Variants in HSF2BP observed in about 807,000 individuals in gnomAD.
The protein encoded by HSF2BP is heat shock transcription factor 2 binding protein, also known as heat shock factor 2-binding protein.
A neutral mutation model predicts 35.0 loss-of-function variants in HSF2BP; 35 were observed. The ratio of observed to expected loss-of-function variants is 1.00; its 90% CI spans 0.76 to 1.32. The LOEUF (loss-of-function observed/expected upper bound fraction) is 1.32, where lower values mean the gene tolerates loss of function less well. Ranked by LOEUF, HSF2BP falls within the 40% of genes most tolerant of loss-of-function variation. The pLI is 0.00. For synonymous variants in HSF2BP, 114 were observed against 117.4 expected, an observed-to-expected ratio of 0.97 and a Z score of 0.18; for missense variants, 326 against 321.7, an observed-to-expected ratio of 1.01 and a Z score of -0.10.
At chr21:43,645,314 C>T (rs1272572506) in intron 3 of HSF2BP, among the ~76,000 whole-genome samples, 2 of 152,116 alleles carry the variant, frequency 1.3e-5, no homozygotes, top group East Asian at 1.9e-4. Context: ...CAATTTGGAA[C>T]GTCTGGGGTG....
intron 3 of HSF2BP, among the ~76,000 whole-genome samples, chr21:43,650,625 G>A (rs1363985915): frequency 1.3e-5 from 2 of 151,842 alleles, no homozygotes; most frequent in African/African-American, 4.8e-5. Flanking sequence ...GAAAACAGAG[G>A]GTGATATCTT....
chr21:43,628,858 T>C (rs960405357), intron 6 of HSF2BP, among the ~76,000 whole-genome samples: 1 of 152,298 alleles, frequency 6.6e-6, no homozygotes, highest in Admixed American at 6.5e-5. Context: ...CCCTTAAGAA[T>C]TATGCTAAAT....
At chr21:43,595,705 T>C (rs561868245) in intron 7 of HSF2BP, among the ~76,000 whole-genome samples, 5 of 133,862 alleles carry the variant, frequency 3.7e-5, no homozygotes, top group African/African-American at 1.3e-4. Flanking sequence ...AGGGAAAGCA[T>C]CTTTAAAAAT....
chr21:43,644,757 A>T (rs952555606), intron 3 of HSF2BP, among the ~76,000 whole-genome samples: 2 of 152,224 alleles, frequency 1.3e-5, no homozygotes, highest in African/African-American at 4.8e-5. Context: ...TACTCCATGA[A>T]AAGCAGAAGG....
chr21:43,644,534 T>C lies in HSF2BP; in HGVS notation c.188-142A>G, dbSNP rs552481937. On this transcript the variant is annotated intron_variant, in intron 3 of 8. Transcript: ENST00000291560. ...TTTGCATTTCTTGACTTCTAGCCTG[T>C]CCTTGAATAACCAATATTCTAACAG... 4 of 630,904 alleles carry C rather than the reference T, an allele frequency of 6.3e-6. No homozygotes were observed. In the South Asian group the frequency reaches 7.7e-5, roughly 12 times the overall value. The allele number at this position is 630,904 out of a possible 1,614,324, so 39.1% of individuals were successfully genotyped here. A position where few individuals can be genotyped will look rare whatever the true frequency, so the allele number is the denominator to read the frequency against.
intron 3 of HSF2BP, among the ~76,000 whole-genome samples, chr21:43,653,227 G>C (rs1411733302): frequency 3.1e-5 from 4 of 130,506 alleles, no homozygotes; most frequent in African/African-American, 1.1e-4. Flanking sequence ...GGAAGGGAAG[G>C]GAAGGGGAAG....
chr21:43,572,118 G>T (rs2146656947), intron 8 of HSF2BP, among the ~76,000 whole-genome samples: 1 of 152,312 alleles, frequency 6.6e-6, no homozygotes, highest in South Asian at 2.1e-4. Context: ...GGAGTGAAGG[G>T]AAAGGCCAGG....
chr21:43,633,862 G>C (rs2082517382), intron 4 of HSF2BP, among the ~76,000 whole-genome samples: 1 of 152,196 alleles, frequency 6.6e-6, no homozygotes, highest in African/African-American at 2.4e-5. Context: ...CCATCTGCCA[G>C]AGGCAGACAC....
chr21:43,650,507 TA>T (rs2082769799), intron 3 of HSF2BP, among the ~76,000 whole-genome samples: 1 of 151,750 alleles, frequency 6.6e-6, no homozygotes, highest in Non-Finnish European at 1.5e-5. Context: ...GCCCGGCCCA[TA>T]AAATTTTATT....
chr21:43,641,414 G>C (rs555158260), intron 4 of HSF2BP, among the ~76,000 whole-genome samples: 2 of 152,232 alleles, frequency 1.3e-5, no homozygotes, highest in African/African-American at 4.8e-5. Context: ...TCATAAGCAG[G>C]TATCAAGACC....
At chr21:43,616,087 G>T (rs1234496330) in intron 6 of HSF2BP, among the ~76,000 whole-genome samples, 1 of 150,262 alleles carries the variant, frequency 6.7e-6, no homozygotes, top group Non-Finnish European at 1.5e-5. Context: ...AAGCAACATA[G>T]AACTATTTGG....
At chr21:43,588,958 C>T (rs2081892410) in intron 8 of HSF2BP, among the ~76,000 whole-genome samples, 1 of 152,194 alleles carries the variant, frequency 6.6e-6, no homozygotes, top group Non-Finnish European at 1.5e-5. Flanking sequence ...TACTTGCAAG[C>T]TTGCAAGCTA....
At chr21:43,467,905 G>A in the HSF2BP span, among the ~76,000 whole-genome samples, 1,463 of 12,864 alleles carry the variant, frequency 0.11, 23 homozygotes, top group Non-Finnish European at 0.15. Flanking sequence ...CCACACACAC[G>A]CACCACACAC....
At chr21:43,612,450 G>A (rs2082218073) in intron 7 of HSF2BP, among the ~76,000 whole-genome samples, 1 of 152,098 alleles carries the variant, frequency 6.6e-6, no homozygotes, top group Non-Finnish European at 1.5e-5. Context: ...AGGAGATTGA[G>A]ACCATCCTGG....
In HSF2BP at chr21:43,656,597, A is replaced by T; in HGVS notation, c.177T>A (p.Ile59=). The T allele has an allele frequency of 6.2e-7, 1 of 1,604,768 alleles. No homozygotes were observed. The highest frequency in any genetic ancestry group is 1.1e-5 in the South Asian group (1 of 88,158). ...EVLESFQKLK[I]VEKNLERKEQ... Reference sequence around the variant, plus strand: ...AAAATGAAGACTCACTTTTTTCTACAATCTTTAATTTCTGGAAGCTCTCCA... The same window carrying T: ...AAAATGAAGACTCACTTTTTTCTACTATCTTTAATTTCTGGAAGCTCTCCA... The change falls in exon 3 of 9, where the codon ATT becomes ATA. Residue 59 remains isoleucine (I), a synonymous_variant. Coordinates refer to ENST00000291560, the MANE Select transcript of HSF2BP (RefSeq NM_007031.2).
At chr21:43,605,133 C>G (rs1186514522) in intron 7 of HSF2BP, among the ~76,000 whole-genome samples, 1 of 150,216 alleles carries the variant, frequency 6.7e-6, no homozygotes, top group South Asian at 2.1e-4. Context: ...ACACAGATAC[C>G]ACACACACAT....
chr21:43,626,641 C>T (rs774076123), intron 6 of HSF2BP, among the ~76,000 whole-genome samples: 3 of 152,170 alleles, frequency 2.0e-5, no homozygotes, highest in Non-Finnish European at 4.4e-5. Flanking sequence ...CTGCCTATAT[C>T]AGTGATATCT....
At chr21:43,623,702 A>G (rs77596020) in intron 6 of HSF2BP, among the ~76,000 whole-genome samples, 6,239 of 152,250 alleles carry the variant, frequency 0.041, 438 homozygotes, top group African/African-American at 0.14. Context: ...CTTCCTTCTT[A>G]TAGTGCCTCA....
At chr21:43,637,135 A>G (rs2082573668) in intron 4 of HSF2BP, among the ~76,000 whole-genome samples, 1 of 152,104 alleles carries the variant, frequency 6.6e-6, no homozygotes, top group Non-Finnish European at 1.5e-5. Flanking sequence ...TAAAATAAAA[A>G]AGAAAAAAAG....
Sources: allele counts gnomAD v4.1 joint callset (sites outside exome capture counted in the v4.1 genomes callset), GRCh38; gene constraint gnomAD v4.1.1; transcripts MANE v1.5; gene names NCBI Gene and HGNC (gene_info 2026-07-23, HGNC 2026-07-21).